TRDN: variants seen among roughly 807,000 people sequenced by gnomAD.
TRDN encodes triadin.
Under a neutral mutation model 149.7 loss-of-function variants are expected in TRDN, and 161 were observed. The ratio of observed to expected loss-of-function variants is 1.08; its 90% confidence interval spans 0.95 to 1.23. The LOEUF is 1.23. Ranked by LOEUF, TRDN falls within the 50% of genes most tolerant of loss-of-function variation. TRDN has a pLI of 0.00. For synonymous variants in TRDN, 294 were observed against 250.5 expected (o/e 1.17, Z -1.64); for missense variants, 896 against 823.5 (o/e 1.09, Z -1.08).
At chr6:123,472,019 T>C (rs1241549410) in intron 9 of TRDN, among the ~76,000 whole-genome samples, 1 of 152,152 alleles carries the variant, frequency 6.6e-6, no homozygotes, top group East Asian at 1.9e-4. Flanking sequence ...CAAAAAATGG[T>C]CTCCGGAAGG....
At chr6:123,522,517 CTTTTTTTTTTTTTT>C (rs375665403) in intron 5 of TRDN, among the ~76,000 whole-genome samples, 1 of 87,224 alleles carries the variant, frequency 1.1e-5, no homozygotes, top group South Asian at 4.0e-4. Context: ...TGCGGTTCCT[CTTTTTTTTTTTTTT>C]TTTTTTTTGC....
rs796660811 is a variant in TRDN at position 123,315,486 on chromosome 6, T to C, written c.1510+971A>G. Among the ~76,000 whole-genome samples the C allele has an allele frequency of 7.9e-5, 12 of 152,094 alleles. 1 individual carries two copies. Among genetic ancestry groups the C allele is most frequent in the African/African-American group, 2.9e-4 (12 of 41,548 alleles). On this transcript the variant is annotated intron_variant, in intron 24 of 40. Coordinates refer to ENST00000334268, the MANE Select transcript of TRDN (RefSeq NM_006073.4). ...ATGCTCTTAAGAGAAATGACTTTAA[T>C]AATTTAATATTTAACATATACATAG...
chr6:123,487,399 G>C (rs538121196), intron 9 of TRDN, among the ~76,000 whole-genome samples: 1 of 152,106 alleles, frequency 6.6e-6, no homozygotes, highest in African/African-American at 2.4e-5. Context: ...GTCACACATA[G>C]TGCTCATCAC....
rs180941654 is a variant in TRDN at position 123,479,207 on chromosome 6, A to G, written c.854-14224T>C. Among the ~76,000 whole-genome samples, 358 of 152,258 alleles carry G rather than the reference A, an allele frequency of 2.4e-3. 1 individual carries two copies. Among genetic ancestry groups the G allele is most frequent in the Admixed American group, 4.1e-3 (62 of 15,286 alleles). ...GATATACAACAAAACTTTAACTTAT[A>G]TATTTGTGGTTTTTTTCCCCAATCA... On this transcript the variant is annotated intron_variant, in intron 9 of 40. Coordinates refer to ENST00000334268, the MANE Select transcript of TRDN (RefSeq NM_006073.4).
chr6:123,422,352 T>C (rs1405570150), intron 12 of TRDN, among the ~76,000 whole-genome samples: 3 of 152,128 alleles, frequency 2.0e-5, no homozygotes. Context: ...TTAATGACTT[T>C]GTAAGCCTGA....
chr6:123,508,445 C>A (rs1779026693), intron 7 of TRDN, among the ~76,000 whole-genome samples: 1 of 152,180 alleles, frequency 6.6e-6, no homozygotes, highest in Middle Eastern at 3.4e-3. Context: ...TGAAAGTGAC[C>A]AAGGCAGCAA....
At chr6:123,292,965 C>T (rs1230243421) in intron 24 of TRDN, among the ~76,000 whole-genome samples, 2 of 152,120 alleles carry the variant, frequency 1.3e-5, no homozygotes, top group Non-Finnish European at 2.9e-5. Context: ...ATAGAGACCA[C>T]GTTAAGGCCC....
At chr6:123,590,103 AC>A (rs1783706642) in intron 1 of TRDN, among the ~76,000 whole-genome samples, 1 of 152,154 alleles carries the variant, frequency 6.6e-6, no homozygotes. Context: ...GGAGTCCCCA[AC>A]CCCCAGGCCA....
At chr6:123,536,689 A>G (rs560858632) in intron 4 of TRDN, among the ~76,000 whole-genome samples, 2 of 129,274 alleles carry the variant, frequency 1.5e-5, no homozygotes, top group African/African-American at 6.1e-5. Flanking sequence ...CATCTCTACA[A>G]TAAATAAATA....
In TRDN at chr6:123,255,138, A is replaced by T; in HGVS notation, c.1907-13T>A. ...TTTCTTGTTGAGACTGTTAATAAGG[A>T]AAATGTAAATTAAAATATAAATTTT... On this transcript the variant is annotated splice_polypyrimidine_tract_variant and intron_variant, in intron 36 of 40. Transcript: ENST00000334268. The T allele has an allele frequency of 8.4e-7, 1 of 1,185,648 alleles. No homozygotes were observed. The highest frequency in any genetic ancestry group is 1.2e-6 in the Non-Finnish European group (1 of 864,326). 73.4% of individuals were successfully genotyped at this position (1,185,648 alleles called of 1,614,324 possible).
chr6:123,466,407 T>A (rs574274164), intron 9 of TRDN, among the ~76,000 whole-genome samples: 1 of 152,308 alleles, frequency 6.6e-6, no homozygotes. Context: ...TCTCATTTTA[T>A]AGTTTTTAAA....
At position 123,360,629 on chromosome 6, in the gene TRDN, G is replaced by A. The variant is rs550509294; in HGVS notation, c.1321+5506C>T. Among the ~76,000 whole-genome samples, 6 of 151,914 alleles carry A rather than the reference G, an allele frequency of 3.9e-5. No homozygotes were observed. In the East Asian group the frequency reaches 1.2e-3, roughly 29 times the overall value. ...GCTTAGTCTTTGTGGAAGGCCAGAG[G>A]CAGTGCTAGGATTCCAGCATTCAGA... On this transcript the variant is annotated intron_variant, in intron 20 of 40. Transcript: ENST00000334268.
chr6:123,300,459 C>G (rs1187280124), intron 24 of TRDN, among the ~76,000 whole-genome samples: 1 of 151,628 alleles, frequency 6.6e-6, no homozygotes, highest in African/African-American at 2.4e-5. Flanking sequence ...TGTCTTTTTT[C>G]TCTTGGAAGA....
At chr6:123,318,092 T>C (rs892732896) in intron 23 of TRDN, among the ~76,000 whole-genome samples, 2 of 152,042 alleles carry the variant, frequency 1.3e-5, no homozygotes, top group African/African-American at 4.8e-5. Context: ...TAGGCTAAAG[T>C]TAATTCCTAT....
At chr6:123,443,602 C>T (rs1245189408) in intron 10 of TRDN, among the ~76,000 whole-genome samples, 4 of 152,070 alleles carry the variant, frequency 2.6e-5, no homozygotes, top group African/African-American at 9.7e-5. Flanking sequence ...ACCATCCTGG[C>T]TAACAAGGGG....
chr6:123,414,764 A>G (rs1001286101), intron 12 of TRDN, among the ~76,000 whole-genome samples: 6 of 152,112 alleles, frequency 3.9e-5, no homozygotes, highest in Admixed American at 2.0e-4. Context: ...TCTGCTCACA[A>G]TTAGTAATAT....
intron 24 of TRDN, among the ~76,000 whole-genome samples, chr6:123,309,192 C>T (rs1481943318): frequency 6.6e-6 from 1 of 151,870 alleles, no homozygotes; most frequent in Non-Finnish European, 1.5e-5. Context: ...CCAAATTTCA[C>T]TTTAGTCTTC....
chr6:123,530,445 G>A lies in TRDN; in HGVS notation c.484+61C>T, dbSNP rs12198164. On this transcript the variant is annotated intron_variant, in intron 5 of 40. Transcript: ENST00000334268. The stretch of plus-strand genomic sequence containing the variant: ...AACACTAAACATGAAATTTTTTCTC[G>A]CATATGAATACACAAAAATGTATAT... 0.6 allele frequency: 578,370 copies of A among 968,452 alleles called. 176,493 individuals are homozygous for A. The highest frequency in any genetic ancestry group is 0.63 in the Non-Finnish European group (455,217 of 722,852). 60.0% of individuals were successfully genotyped at this position (968,452 alleles called of 1,614,324 possible). A position where few individuals can be genotyped will look rare whatever the true frequency, so the allele number is the denominator to read the frequency against.
At chr6:123,594,662 T>C (rs975884703) in intron 1 of TRDN, among the ~76,000 whole-genome samples, 9 of 151,994 alleles carry the variant, frequency 5.9e-5, no homozygotes, top group African/African-American at 2.2e-4. Context: ...TACAATAATT[T>C]ATTCAACAAA....
Sources: allele counts gnomAD v4.1 joint callset (sites outside exome capture counted in the v4.1 genomes callset), GRCh38; gene constraint gnomAD v4.1.1; transcripts MANE v1.5; gene names NCBI Gene and HGNC (gene_info 2026-07-23, HGNC 2026-07-21).